The following ATPAF1 variants were observed in gnomAD, a reference collection of about 807,000 sequenced individuals.
ATPAF1 encodes homolog of yeast ATP11.
In ATPAF1, 26 loss-of-function variants were observed where a neutral mutation model predicts 43.9. The ratio of observed to expected loss-of-function variants is 0.59; its 90% CI spans 0.43 to 0.82. The LOEUF is 0.82. ATPAF1 is among the 40% of genes least tolerant of loss of function. The pLI is 0.00. For missense variants in ATPAF1, 366 were observed against 435.0 expected (o/e 0.84, Z 1.41); for synonymous variants, 157 against 168.0 (o/e 0.93, Z 0.50).
chr1:46,654,134 G>A (rs893171051), intron 4 of ATPAF1, among the ~76,000 whole-genome samples: 2 of 152,094 alleles, frequency 1.3e-5, no homozygotes, highest in African/African-American at 4.8e-5. Context: ...CTTAATATGT[G>A]CCTTGTGTGT....
intron 6 of ATPAF1, among the ~76,000 whole-genome samples, chr1:46,647,119 G>C (rs1224842698): frequency 1.3e-5 from 2 of 152,176 alleles, no homozygotes; most frequent in Non-Finnish European, 2.9e-5. Flanking sequence ...TCTTTATGTA[G>C]AAACATCTAT....
chr1:46,636,038 T>C lies in ATPAF1; in HGVS notation c.793-68A>G, dbSNP rs1471219790. The C allele has an allele frequency of 3.2e-6, 5 of 1,567,758 alleles. No homozygotes were observed. The Admixed American group carries it at 5.0e-5, about 16-fold the overall frequency. On this transcript the variant is annotated intron_variant, in intron 8 of 8. Coordinates refer to ENST00000574428, the Ensembl canonical transcript of ATPAF1. ...CCACAAAGCTCTTGTCTGAATTGTG[T>C]GGTGGGTGGGGGCCCTCGCCCAGGA...
chr1:46,658,239 A>C (rs553091965), intron 3 of ATPAF1, 50 bp from the exon 4 acceptor site: 14 of 1,393,236 alleles, frequency 1.0e-5, no homozygotes, highest in Middle Eastern at 2.2e-4. Context: ...AAAAAAAAAA[A>C]AACAGCTTAA....
exon 8 of ATPAF1, chr1:46,643,196 G>A: frequency 1.9e-6 from 3 of 1,610,356 alleles, no homozygotes; most frequent in Non-Finnish European, 2.5e-6. Context: ...ATTCTTACCA[G>A]AAATGTGGAA....
At chr1:46,659,260 C>T (rs1224393713) in intron 2 of ATPAF1, among the ~76,000 whole-genome samples, 1 of 152,050 alleles carries the variant, frequency 6.6e-6, no homozygotes, top group Non-Finnish European at 1.5e-5. Flanking sequence ...CAACTTTCTT[C>T]TAAGATTCTG....
intron 6 of ATPAF1, 69 bp downstream of exon 6, chr1:46,652,512 G>C: frequency 6.7e-7 from 1 of 1,482,656 alleles, no homozygotes; most frequent in Non-Finnish European, 9.4e-7. Context: ...GGAATATGAC[G>C]TGATGGGCTG....
intron 8 of ATPAF1, among the ~76,000 whole-genome samples, chr1:46,638,544 C>A (rs1675886350): frequency 1.3e-5 from 2 of 151,626 alleles, no homozygotes; most frequent in Non-Finnish European, 2.9e-5. Flanking sequence ...ATGGCGTGAA[C>A]CCGGGAGGCA....
At chr1:46,651,466 G>A (rs1225234483) in intron 6 of ATPAF1, among the ~76,000 whole-genome samples, 2 of 152,166 alleles carry the variant, frequency 1.3e-5, no homozygotes, top group Non-Finnish European at 2.9e-5. Context: ...GCATACGTGT[G>A]CATGTGTCTT....
chr1:46,645,050 ATAAATGCTGGGAG>A, intron 7 of ATPAF1, 98 bp downstream of exon 7: 1 of 818,990 alleles, frequency 1.2e-6, no homozygotes, highest in Admixed American at 2.5e-5. Context: ...CGCCACAATA[ATAAATGCTGGGAG>A]TAAGCAGCTA....
chr1:46,665,242 G>C lies in ATPAF1; in HGVS notation c.375+14C>G. On this transcript the variant is annotated intron_variant, in intron 2 of 8. Coordinates refer to ENST00000574428, the Ensembl canonical transcript of ATPAF1. The stretch of plus-strand genomic sequence containing the variant: ...TGCTGGTAAGCAAACACCACAAATG[G>C]GGGAAGGTCTTACCTTCTGTTCCAC... The C allele has an allele frequency of 6.2e-7, 1 of 1,610,486 alleles. No homozygotes were observed. The highest frequency in any genetic ancestry group is 8.5e-7 in the Non-Finnish European group (1 of 1,176,616).
At chr1:46,644,550 A>G (rs1013767285) in intron 7 of ATPAF1, among the ~76,000 whole-genome samples, 1 of 145,228 alleles carries the variant, frequency 6.9e-6, no homozygotes, top group Non-Finnish European at 1.5e-5. Flanking sequence ...TTCAAAGCCA[A>G]TATAATTCGT....
chr1:46,662,937 C>T (rs1312030951), intron 2 of ATPAF1, among the ~76,000 whole-genome samples: 7 of 152,078 alleles, frequency 4.6e-5, no homozygotes, highest in Non-Finnish European at 1.0e-4. Context: ...CCCCACTCCC[C>T]CGACCCCACA....
chr1:46,635,945 G>A, exon 9 of ATPAF1: 1 of 1,614,232 alleles, frequency 6.2e-7, no homozygotes, highest in East Asian at 2.2e-5. Flanking sequence ...AACTTGGTTG[G>A]CGATGCACTG....
chr1:46,658,138 C>A lies in ATPAF1; in HGVS notation c.478G>T (p.Glu160Ter). 2 of 1,611,330 alleles carry A rather than the reference C, an allele frequency of 1.2e-6. No homozygotes were observed. Among genetic ancestry groups the A allele is most frequent in the Non-Finnish European group, 1.7e-6 (2 of 1,179,192 alleles). The stretch of plus-strand genomic sequence containing the variant: ...TTTCCATTCATTACCTGTTTTATTT[C>A]TTCTGCAGTTTTTTCTTTTACCATC... The change falls in exon 4 of 9, where the codon GAA becomes TAA. Residue 160 changes from glutamate (E) to a stop codon, truncating the protein, a stop_gained. Coordinates refer to ENST00000574428, the Ensembl canonical transcript of ATPAF1. LOFTEE classifies it high-confidence loss of function.
exon 9 of ATPAF1, chr1:46,635,927 A>G (rs767526358): frequency 6.2e-7 from 1 of 1,614,260 alleles, no homozygotes; most frequent in South Asian, 1.1e-5. Context: ...AGTAGCGTAG[A>G]AGAGCTGAAC....
At chr1:46,658,152 T>C in exon 4 of ATPAF1, 1 of 1,612,416 alleles carries the variant, frequency 6.2e-7, no homozygotes, top group Non-Finnish European at 8.5e-7. Context: ...TGCAGTTTTT[T>C]CTTTTACCAT....
At chr1:46,638,399 A>G (rs1675881968) in intron 8 of ATPAF1, among the ~76,000 whole-genome samples, 1 of 152,156 alleles carries the variant, frequency 6.6e-6, no homozygotes, top group Non-Finnish European at 1.5e-5. Flanking sequence ...TGGGCGGATC[A>G]TGAGGTCAGG....
intron 4 of ATPAF1, among the ~76,000 whole-genome samples, chr1:46,654,964 A>C (rs969194070): frequency 2.0e-5 from 3 of 152,182 alleles, no homozygotes; most frequent in Non-Finnish European, 4.4e-5. Context: ...AAAGAGGTTT[A>C]AGTGACTCAC....
At chr1:46,648,805 C>G (rs921809914) in intron 6 of ATPAF1, among the ~76,000 whole-genome samples, 3 of 151,422 alleles carry the variant, frequency 2.0e-5, no homozygotes, top group African/African-American at 7.3e-5. Flanking sequence ...ATGGTGAAAC[C>G]CTGTCTCTAC....
Sources: gnomAD v4.1 joint callset for allele counts (sites outside exome capture counted in the v4.1 genomes callset) on GRCh38, gnomAD v4.1.1 for gene constraint, MANE v1.5 for transcripts, NCBI Gene and HGNC (gene_info 2026-07-23, HGNC 2026-07-21) for gene names.